ABCB1: variants seen among roughly 807,000 people sequenced by gnomAD.
ABCB1 encodes the protein ATP binding cassette subfamily B member 1.
A neutral mutation model predicts 142.0 loss-of-function variants in ABCB1; 69 were observed. The observed-to-expected ratio is 0.49, with a 90% confidence interval of 0.40 to 0.59. The LOEUF is 0.59. Ranked by LOEUF, ABCB1 falls within the 20% of genes least tolerant of loss-of-function variation. The pLI, the probability that ABCB1 is intolerant of heterozygous loss-of-function variation, is 0.00. For synonymous variants in ABCB1, 532 were observed against 539.2 expected, an observed-to-expected ratio of 0.99 and a Z score of 0.18; for missense variants, 1,326 against 1,554.7, an observed-to-expected ratio of 0.85 and a Z score of 2.47.
chr7:87,585,750 C>T, intron 3 of ABCB1, 70 bp from the exon 4 acceptor site: 2 of 1,519,200 alleles, frequency 1.3e-6, no homozygotes, highest in African/African-American at 2.7e-5. Flanking sequence ...GCTTTTCCTT[C>T]AAAATATATC....
chr7:87,713,083 A>G (rs753030816), intron 1 of ABCB1: 1 of 152,128 alleles, frequency 6.6e-6, no homozygotes, highest in Non-Finnish European at 1.5e-5. Flanking sequence ...TTGATTGCAA[A>G]CTTCTAGTCA....
chr7:87,515,604 T>C (rs999755719), intron 24 of ABCB1, among the ~76,000 whole-genome samples, 176 bp from the exon 25 acceptor site: 2 of 152,070 alleles, frequency 1.3e-5, no homozygotes, highest in African/African-American at 4.8e-5. Context: ...ATTTTTTATT[T>C]TTTTGAGACA....
intron 7 of ABCB1, chr7:87,564,029 AG>A: frequency 3.2e-6 from 1 of 310,790 alleles, no homozygotes; most frequent in Non-Finnish European, 6.3e-6. Flanking sequence ...GGAGAGTGGG[AG>A]GAGGGAGACA....
intron 21 of ABCB1, among the ~76,000 whole-genome samples, chr7:87,527,036 T>A (rs951879439): frequency 6.6e-6 from 1 of 152,182 alleles, no homozygotes. Flanking sequence ...AAAAACCTTT[T>A]CAGGCAGATA....
intron 21 of ABCB1, 51 bp from the exon 22 acceptor site, chr7:87,520,927 A>T: frequency 1.5e-6 from 2 of 1,313,152 alleles, no homozygotes; most frequent in Non-Finnish European, 2.2e-6. Flanking sequence ...AATAGTGGTG[A>T]TTAATTTGAA....
At chr7:87,640,612 TG>T (rs1324255147) in intron 1 of ABCB1, among the ~76,000 whole-genome samples, 1 of 152,216 alleles carries the variant, frequency 6.6e-6, no homozygotes, top group African/African-American at 2.4e-5. Context: ...CCAAAAGTGT[TG>T]GAATGACAGG....
At chr7:87,637,961 A>G (rs1375059224) in intron 1 of ABCB1, among the ~76,000 whole-genome samples, 1 of 152,024 alleles carries the variant, frequency 6.6e-6, no homozygotes, top group Non-Finnish European at 1.5e-5. Flanking sequence ...AAATTTTATT[A>G]TTAAATAGGA....
chr7:87,655,190 C>T (rs1009970015), intron 1 of ABCB1, among the ~76,000 whole-genome samples: 1 of 151,954 alleles, frequency 6.6e-6, no homozygotes, highest in African/African-American at 2.4e-5. Flanking sequence ...AAAATAGAAC[C>T]TCCATGTAAA....
At chr7:87,508,534 G>A (rs1284008770) in intron 26 of ABCB1, among the ~76,000 whole-genome samples, 1 of 152,174 alleles carries the variant, frequency 6.6e-6, no homozygotes, top group Non-Finnish European at 1.5e-5. Context: ...GAGAGGATGA[G>A]AGGTTCCATT....
chr7:87,573,245 C>T (rs1818128163), intron 4 of ABCB1, among the ~76,000 whole-genome samples: 1 of 151,916 alleles, frequency 6.6e-6, no homozygotes, highest in African/African-American at 2.4e-5. Context: ...AGTGGACTGT[C>T]ATTGAAGGTT....
chr7:87,652,111 T>C (rs1823636551), intron 1 of ABCB1, among the ~76,000 whole-genome samples: 2 of 152,108 alleles, frequency 1.3e-5, no homozygotes, highest in South Asian at 4.1e-4. Flanking sequence ...ATTTTATGCA[T>C]AAATTTATAA....
rs1816008481 is a variant in ABCB1, at chr7:87,530,823, AAGAAAGCAAGAAAGC to A, written c.2685+456_2685+470del. 1.4e-4 allele frequency among the ~76,000 whole-genome samples: 11 copies of A among 78,882 alleles called. No individual in the cohort carries two copies. The South Asian group carries it at 2.3e-3, about 17-fold the overall frequency. 51.7% of individuals were successfully genotyped at this position (78,882 alleles called of 152,430 possible). On this transcript the variant is annotated intron_variant, in intron 21 of 27. Coordinates refer to ENST00000622132, the MANE Select transcript of ABCB1 (RefSeq NM_001348946.2). ...CAAGAAAGCAAGAAAGCAAGAAAGC[AAGAAAGCAAGAAAGC>A]AAGAAAGAAAGAAAGAAAGAAAGAA...
At chr7:87,695,590 A>C (rs1473154437) in intron 1 of ABCB1, among the ~76,000 whole-genome samples, 1 of 152,128 alleles carries the variant, frequency 6.6e-6, no homozygotes, top group Non-Finnish European at 1.5e-5. Context: ...ATTGTCAAGT[A>C]GGTGATATAT....
chr7:87,563,471 C>A, intron 7 of ABCB1: 1 of 400,992 alleles, frequency 2.5e-6, no homozygotes, highest in Admixed American at 2.6e-5. Context: ...CTACCATGAT[C>A]AAGTAGGCTT....
chr7:87,590,836 G>A (rs1365875230), intron 3 of ABCB1, among the ~76,000 whole-genome samples: 2 of 152,190 alleles, frequency 1.3e-5, no homozygotes, highest in Non-Finnish European at 2.9e-5. Context: ...TAGGGACCAA[G>A]GTGATATGAT....
chr7:87,710,659 TAA>T (rs1259869189), intron 1 of ABCB1: 1 of 1,510,798 alleles, frequency 6.6e-7, no homozygotes, highest in East Asian at 2.3e-5. Flanking sequence ...CAACCAGGTT[TAA>T]AAGTCCTTTT....
chr7:87,598,783 G>T (rs1040267992), intron 2 of ABCB1, among the ~76,000 whole-genome samples: 2 of 152,200 alleles, frequency 1.3e-5, no homozygotes, highest in African/African-American at 2.4e-5. Flanking sequence ...GCCATTGGAA[G>T]CATCTTCCAG....
At chr7:87,706,585 G>A (rs867124313) in intron 1 of ABCB1, among the ~76,000 whole-genome samples, 1 of 152,190 alleles carries the variant, frequency 6.6e-6, no homozygotes, top group East Asian at 1.9e-4. Context: ...AACTTGAGTG[G>A]CCACAGTCCT....
intron 1 of ABCB1, among the ~76,000 whole-genome samples, chr7:87,626,774 C>CATATATATGTCAG (rs1563082143): frequency 3.4e-5 from 4 of 119,382 alleles, no homozygotes; most frequent in South Asian, 5.1e-4. Flanking sequence ...ATATATATGT[C>CATATATATGTCAG]AGAGAGAGAG....
Sources: allele counts gnomAD v4.1 joint callset (sites outside exome capture counted in the v4.1 genomes callset), GRCh38; gene constraint gnomAD v4.1.1; transcripts MANE v1.5; gene names NCBI Gene and HGNC (gene_info 2026-07-23, HGNC 2026-07-21).